The following AKR1C3 variants were observed in gnomAD, a reference collection of about 807,000 sequenced individuals.
AKR1C3 encodes the protein aldo-keto reductase family 1 member C3, also known as 3-alpha hydroxysteroid dehydrogenase, type II.
A neutral mutation model predicts 43.6 loss-of-function variants in AKR1C3; 48 were observed. The ratio of observed to expected loss-of-function variants is 1.10; its 90% CI spans 0.87 to 1.40. AKR1C3 has a LOEUF of 1.40. Ranked by LOEUF, AKR1C3 falls within the 40% of genes most tolerant of loss-of-function variation. AKR1C3 has a pLI of 0.00. For missense variants in AKR1C3, 482 were observed against 391.2 expected (o/e 1.23, Z -1.96); for synonymous variants, 162 against 139.6 (o/e 1.16, Z -1.13).
At chr10:5,064,054 C>G (rs143770125) in intron 1 of AKR1C3, among the ~76,000 whole-genome samples, 349 of 152,302 alleles carry the variant, frequency 2.3e-3, no homozygotes, top group Non-Finnish European at 2.9e-3. Flanking sequence ...CTTTGCTCAT[C>G]CATAAAAGTA....
chr10:5,086,273 G>T (rs1554783068), intron 1 of AKR1C3, among the ~76,000 whole-genome samples: 1 of 151,376 alleles, frequency 6.6e-6, no homozygotes, highest in Non-Finnish European at 1.5e-5. Flanking sequence ...CTGGTATGTT[G>T]TGTCTTTGTT....
chr10:5,062,904 A>T (rs1838411245), intron 1 of AKR1C3, among the ~76,000 whole-genome samples: 1 of 151,864 alleles, frequency 6.6e-6, no homozygotes, highest in Non-Finnish European at 1.5e-5. Flanking sequence ...AATTTCTCAA[A>T]GCTCAACACT....
chr10:5,079,497 C>T (rs1190289187), intron 1 of AKR1C3, among the ~76,000 whole-genome samples: 1 of 151,876 alleles, frequency 6.6e-6, no homozygotes, highest in Non-Finnish European at 1.5e-5. Context: ...CACACCCCAC[C>T]CCCACCTTAT....
chr10:5,095,948 A>G (rs943629482), intron 1 of AKR1C3, among the ~76,000 whole-genome samples: 1 of 152,142 alleles, frequency 6.6e-6, no homozygotes, highest in Non-Finnish European at 1.5e-5. Context: ...TCAAGAACTG[A>G]GACACCAAAG....
intron 1 of AKR1C3, among the ~76,000 whole-genome samples, chr10:5,061,455 G>C (rs781833547): frequency 2.0e-4 from 30 of 152,196 alleles, no homozygotes; most frequent in Admixed American, 2.0e-4. Context: ...CCCTATGGGA[G>C]GGGTGTTCAG....
chr10:5,072,587 TGAAAA>T (rs1838634207), intron 1 of AKR1C3, among the ~76,000 whole-genome samples: 3 of 152,164 alleles, frequency 2.0e-5, no homozygotes, highest in Non-Finnish European at 2.9e-5. Context: ...TCTTTGGAAA[TGAAAA>T]TATCAAGAAA....
At position 5,088,772 on chromosome 10, in the gene AKR1C3, C is replaced by A. The variant is rs75295826; in HGVS notation, c.85-7638C>A. 8.9e-3 allele frequency among the ~76,000 whole-genome samples: 1,353 copies of A among 151,804 alleles called. 27 individuals carry two copies. The highest frequency in any genetic ancestry group is 0.031 in the African/African-American group (1,302 of 41,428). On this transcript the variant is annotated intron_variant, in intron 1 of 8. Coordinates refer to the AKR1C3 transcript ENST00000439082. The stretch of plus-strand genomic sequence containing the variant: ...TTTTATCAAATTTTCTGTTCTATTT[C>A]TTTTAAGTGGAGGATTTAGGTAATT...
chr10:5,066,718 T>G (rs567116472), intron 1 of AKR1C3, among the ~76,000 whole-genome samples: 1 of 152,304 alleles, frequency 6.6e-6, no homozygotes, highest in Non-Finnish European at 1.5e-5. Flanking sequence ...AGCAGTCTCA[T>G]CTCCTTCACT....
intron 1 of AKR1C3, among the ~76,000 whole-genome samples, chr10:5,056,658 G>A (rs1564352656): frequency 6.6e-6 from 1 of 152,134 alleles, no homozygotes; most frequent in African/African-American, 2.4e-5. Flanking sequence ...CTTCCAAATT[G>A]TCCCTCCAAT....
rs782141648 is a variant in AKR1C3 at position 5,105,650 on chromosome 10, G to C, written c.902G>C (p.Arg301Thr). 35 of 1,613,766 alleles carry C rather than the reference G, an allele frequency of 2.2e-5. No individual in the cohort carries two copies. Among genetic ancestry groups the C allele is most frequent in the Middle Eastern group, 1.6e-4 (1 of 6,084 alleles). Residue 301 changes from arginine to threonine, a missense_variant, in exon 8 of 9, where the codon AGA becomes ACA. Transcript: ENST00000380554. ...ATGAAAGCCATAGATGGCCTAGACAGAAATCTCCACTATTTTAACAGTGAT... is the reference window on the plus strand; with the variant it reads ...ATGAAAGCCATAGATGGCCTAGACACAAATCTCCACTATTTTAACAGTGAT... ...EDMKAIDGLD[R>T]NLHYFNSDSF... is the part of the protein sequence containing the mutation.
chr10:5,105,548 T>C, intron 7 of AKR1C3, 47 bp from the exon 8 acceptor site: 1 of 1,437,172 alleles, frequency 7.0e-7, no homozygotes, highest in South Asian at 1.2e-5. Context: ...ACTTGGGGAT[T>C]CACAACTGGC....
At chr10:5,081,818 T>A (rs1486381910) in intron 1 of AKR1C3, 7 of 152,166 alleles carry the variant, frequency 4.6e-5, no homozygotes, top group African/African-American at 1.7e-4. Flanking sequence ...CCATTCATCC[T>A]CTCCTAGCAT....
chr10:5,059,069 G>C (rs1838323639), intron 1 of AKR1C3, among the ~76,000 whole-genome samples: 1 of 152,104 alleles, frequency 6.6e-6, no homozygotes, highest in Non-Finnish European at 1.5e-5. Context: ...AATTTCTGAG[G>C]CTCCCCACAT....
intron 1 of AKR1C3, among the ~76,000 whole-genome samples, chr10:5,052,470 T>C (rs967051407): frequency 6.8e-6 from 1 of 147,796 alleles, no homozygotes; most frequent in Non-Finnish European, 1.5e-5. Flanking sequence ...TACAGAGAGC[T>C]GATTGGTCTG....
At position 5,101,984 on chromosome 10, in the gene AKR1C3, C is replaced by G. The variant is rs373409413; in HGVS notation, c.571-117C>G. On this transcript the variant is annotated intron_variant, in intron 5 of 8. Transcript: ENST00000380554. ...AAAGGTTATTACTTGACAATAATAT[C>G]CTCAGCTCAAATATAATGCTATACT... 9 of 639,616 alleles carry G rather than the reference C, an allele frequency of 1.4e-5. No individual in the cohort carries two copies. The East Asian group carries it at 2.3e-4, about 16-fold the overall frequency. The allele number at this position is 639,616 out of a possible 1,614,324, so 39.6% of individuals were successfully genotyped here. A position where few individuals can be genotyped will look rare whatever the true frequency, so the allele number is the denominator to read the frequency against.
intron 1 of AKR1C3, among the ~76,000 whole-genome samples, chr10:5,083,346 T>G (rs7478670): frequency 1.3e-5 from 2 of 151,840 alleles, no homozygotes; most frequent in Non-Finnish European, 2.9e-5. Flanking sequence ...TTTGTCCTTG[T>G]GATAGTTGGC....
At chr10:5,063,765 CAAA>C (rs71391987) in intron 1 of AKR1C3, among the ~76,000 whole-genome samples, 1,245 of 46,372 alleles carry the variant, frequency 0.027, 19 homozygotes, top group African/African-American at 0.099. Flanking sequence ...TCTGTCTCAG[CAAA>C]AAAAAAAAAA....
At chr10:5,100,860 C>A (rs539838515) in intron 5 of AKR1C3, among the ~76,000 whole-genome samples, 1 of 151,700 alleles carries the variant, frequency 6.6e-6, no homozygotes, top group African/African-American at 2.4e-5. Context: ...AAATTGTTAA[C>A]ACTTTGCCAC....
chr10:5,087,690 G>A (rs903740006), intron 1 of AKR1C3, among the ~76,000 whole-genome samples: 19 of 151,554 alleles, frequency 1.3e-4, no homozygotes, highest in Non-Finnish European at 2.5e-4. Context: ...TATCTTTTCT[G>A]TATTGTATTT....
Sources: gnomAD v4.1 joint callset for allele counts (sites outside exome capture counted in the v4.1 genomes callset) on GRCh38, gnomAD v4.1.1 for gene constraint, MANE v1.5 for transcripts, NCBI Gene and HGNC (gene_info 2026-07-23, HGNC 2026-07-21) for gene names.